PON2: variants seen among roughly 807,000 people sequenced by gnomAD.
The protein encoded by PON2 is serum paraoxonase/arylesterase 2.
PON2 carries 27 observed loss-of-function variants against 36.6 expected under a neutral mutation model. The ratio of observed to expected loss-of-function variants is 0.74; its 90% CI spans 0.54 to 1.02. The LOEUF (loss-of-function observed/expected upper bound fraction) is 1.02. PON2 is among the 50% of genes least tolerant of loss of function. PON2 has a pLI of 0.00. For synonymous variants in PON2, 149 were observed against 156.3 expected (o/e 0.95, Z 0.35); for missense variants, 363 against 421.1 (o/e 0.86, Z 1.21).
At chr7:95,422,448 C>T (rs1473193266) in intron 2 of PON2, among the ~76,000 whole-genome samples, 1 of 152,092 alleles carries the variant, frequency 6.6e-6, no homozygotes, top group African/African-American at 2.4e-5. Flanking sequence ...TTTGCACATA[C>T]ACTGTTTATA....
At position 95,405,085 on chromosome 7, in the gene PON2, T is replaced by C. The variant is rs78411550; in HGVS notation, c.*245A>G. On this transcript the variant is annotated 3_prime_UTR_variant, in exon 9 of 9. Coordinates refer to ENST00000222572, the MANE Select transcript of PON2 (RefSeq NM_000305.3). The stretch of plus-strand genomic sequence containing the variant: ...AAGGTGAGGCTTACTTTGTGCAAAA[T>C]GTATTCACTTTATTCGAAAGCAGCT... The C allele has an allele frequency of 7.0e-4, 315 of 450,078 alleles. 2 individuals carry two copies. In the East Asian group the frequency reaches 0.011, roughly 16 times the overall value. 27.9% of individuals were successfully genotyped at this position (450,078 alleles called of 1,614,324 possible). A position where few individuals can be genotyped will look rare whatever the true frequency, so the allele number is the denominator to read the frequency against.
rs1809694511 is a variant in PON2 at position 95,406,353 on chromosome 7, C to T, written c.778-106G>A. On this transcript the variant is annotated intron_variant, in intron 7 of 8. Transcript: ENST00000222572. ...TGCATGTGAGGAAATTACACATCGCCCTGCTTCCACCTTCTAACACCAATA... is the reference window on the plus strand; with the variant it reads ...TGCATGTGAGGAAATTACACATCGCTCTGCTTCCACCTTCTAACACCAATA... 7 of 1,218,468 alleles carry T rather than the reference C, an allele frequency of 5.7e-6. No homozygotes were observed. The South Asian group carries it at 8.7e-5, about 15-fold the overall frequency. The allele number at this position is 1,218,468 out of a possible 1,614,324, so 75.5% of individuals were successfully genotyped here. A position where few individuals can be genotyped will look rare whatever the true frequency, so the allele number is the denominator to read the frequency against.
At chr7:95,428,208 TTTTCC>T (rs889781613) in intron 1 of PON2, among the ~76,000 whole-genome samples, 16 of 152,174 alleles carry the variant, frequency 1.1e-4, no homozygotes, top group African/African-American at 3.1e-4. Context: ...GTTCCTTTTG[TTTTCC>T]TTTCTTTTCT....
rs17876096 is a variant in PON2 at position 95,423,275 on chromosome 7, T to C, written c.145+1240A>G. ...ATATCAGGGCTGCAGTGAGCCAAGA[T>C]TGCGCTACTGCATTCTGGCCTGGGT... is the stretch of plus-strand genomic sequence containing the variant. On this transcript the variant is annotated intron_variant, in intron 2 of 8. Coordinates refer to ENST00000222572, the MANE Select transcript of PON2 (RefSeq NM_000305.3). Among the ~76,000 whole-genome samples the C allele has an allele frequency of 4.1e-3, 617 of 148,872 alleles. 7 individuals are homozygous for C. Among genetic ancestry groups the C allele is most frequent in the African/African-American group, 0.014 (572 of 39,944 alleles).
chr7:95,407,764 A>G (rs1194561218), intron 6 of PON2, among the ~76,000 whole-genome samples: 1 of 152,074 alleles, frequency 6.6e-6, no homozygotes, highest in Non-Finnish European at 1.5e-5. Context: ...GTTTGTACAC[A>G]TTAAACACCT....
chr7:95,431,662 T>C (rs578189939), intron 1 of PON2, among the ~76,000 whole-genome samples: 32 of 152,034 alleles, frequency 2.1e-4, no homozygotes, highest in Non-Finnish European at 3.7e-4. Flanking sequence ...TCTAGTGATC[T>C]GCCCGCCTCA....
chr7:95,415,903 G>C lies in PON2; in HGVS notation c.201+339C>G, dbSNP rs1041616679. 4 of 295,536 alleles carry C rather than the reference G, an allele frequency of 1.4e-5. No homozygotes were observed. The East Asian group carries it at 3.2e-4, about 24-fold the overall frequency. The allele number at this position is 295,536 out of a possible 1,614,324, so 18.3% of individuals were successfully genotyped here. On this transcript the variant is annotated intron_variant, in intron 3 of 8. Coordinates refer to ENST00000222572, the MANE Select transcript of PON2 (RefSeq NM_000305.3). ...GGAGGCGGAGGTTGCAGTAAGCTGA[G>C]ATCATGCCACTGCACTCCAGCCGGG...
At chr7:95,433,496 C>G (rs1789489706) in intron 1 of PON2, among the ~76,000 whole-genome samples, 2 of 152,134 alleles carry the variant, frequency 1.3e-5, no homozygotes, top group Non-Finnish European at 2.9e-5. Flanking sequence ...CTCCAATCCC[C>G]CCTTCCAGGC....
At chr7:95,410,736 G>C (rs1235735923) in intron 5 of PON2, among the ~76,000 whole-genome samples, 1 of 152,146 alleles carries the variant, frequency 6.6e-6, no homozygotes, top group Non-Finnish European at 1.5e-5. Flanking sequence ...AGGTGAGGGT[G>C]TTATTAAATT....
intron 2 of PON2, among the ~76,000 whole-genome samples, chr7:95,422,261 C>T (rs372186690): frequency 2.0e-5 from 3 of 152,044 alleles, no homozygotes; most frequent in African/African-American, 4.8e-5. Flanking sequence ...AATATTTACA[C>T]TAAAATTCTA....
At position 95,412,466 on chromosome 7, in the gene PON2, G is replaced by A. The variant is rs749278245; in HGVS notation, c.213C>T (p.Phe71=). The A allele has an allele frequency of 6.2e-7, 1 of 1,613,946 alleles. No homozygotes were observed. The highest frequency in any genetic ancestry group is 1.1e-5 in the South Asian group (1 of 91,050). The stretch of plus-strand genomic sequence containing the variant: ...CTGGTGCAAAGCTGTGGAGTCCTGG[G>A]AATTTTAGACCCTTTCCAAAACGGT... The part of the protein sequence containing the change: ...GLAFFSVGLK[F]PGLHSFAPDK... The change falls in exon 4 of 9, where the codon TTC becomes TTT. Residue 71 remains phenylalanine (F), a synonymous_variant. Transcript: ENST00000222572.
At chr7:95,411,842 C>G in intron 4 of PON2, 63 bp from the exon 5 acceptor site, 1 of 1,566,456 alleles carries the variant, frequency 6.4e-7, no homozygotes, top group Admixed American at 1.7e-5. Context: ...TGGGCAGGCA[C>G]TGACATTTAA....
chr7:95,407,201 G>T, intron 6 of PON2, 133 bp from the exon 7 acceptor site: 1 of 565,278 alleles, frequency 1.8e-6, no homozygotes, highest in East Asian at 3.0e-5. Context: ...GCTTGATAAA[G>T]GTCAATTTTT....
intron 3 of PON2, chr7:95,415,272 T>C (rs1308386388): frequency 6.6e-6 from 1 of 152,216 alleles, no homozygotes; most frequent in Non-Finnish European, 1.5e-5. Context: ...TGTCCCCTTA[T>C]CTGGATTTCC....
chr7:95,411,453 A>G lies in PON2; in HGVS notation c.494+200T>C, dbSNP rs1405137499. On this transcript the variant is annotated intron_variant, in intron 5 of 8. Transcript: ENST00000222572. ...ACAGTGAATAGTATGAGTGACATCAACTTTCATATGCCATGCTTGCCCTGG... is the reference window on the plus strand; with the variant it reads ...ACAGTGAATAGTATGAGTGACATCAGCTTTCATATGCCATGCTTGCCCTGG... Among the ~76,000 whole-genome samples the G allele has an allele frequency of 3.3e-5, 5 of 152,214 alleles. 1 individual carries two copies. The highest frequency in any genetic ancestry group is 3.3e-4 in the Admixed American group (5 of 15,284).
chr7:95,431,359 T>C (rs1439166421), intron 1 of PON2, among the ~76,000 whole-genome samples: 1 of 152,072 alleles, frequency 6.6e-6, no homozygotes, highest in African/African-American at 2.4e-5. Context: ...AAATCAAACA[T>C]AAAGCCTCTG....
At chr7:95,425,750 C>G (rs1433773994) in intron 1 of PON2, among the ~76,000 whole-genome samples, 2 of 151,778 alleles carry the variant, frequency 1.3e-5, no homozygotes, top group Non-Finnish European at 2.9e-5. Context: ...CAATTCATAT[C>G]AGACATAAAG....
Position 95,424,590 on chromosome 7 carries a change from TACAA to T in PON2, c.75-9_75-6del, listed in dbSNP as rs753744337. On this transcript the variant is annotated splice_region_variant and splice_polypyrimidine_tract_variant and intron_variant, in intron 1 of 8. Coordinates refer to ENST00000222572, the MANE Select transcript of PON2 (RefSeq NM_000305.3). ...CTGGAGGCTTTAAGTCGATTTCTGT[TACAA>T]AGAAAAAAAAACAAAAAACAAAAAA... The T allele has an allele frequency of 6.2e-7, 1 of 1,610,626 alleles. No individual in the cohort carries two copies. The highest frequency in any genetic ancestry group is 1.1e-5 in the South Asian group (1 of 90,968).
chr7:95,409,975 G>A lies in PON2; in HGVS notation c.621C>T (p.Tyr207=), dbSNP rs1396809596. ...LNLHWANVVY[Y]SPNEVKVVAE... ...CTACCACTTTAACTTCATTTGGACT[G>A]TAGTAAACAACATTTGCCCAGTGTA... The change falls in exon 6 of 9, where the codon TAC becomes TAT. Residue 207 remains tyrosine, a synonymous_variant. Transcript: ENST00000222572. 1 of 1,613,706 alleles carries A rather than the reference G, an allele frequency of 6.2e-7. No individual in the cohort carries two copies. Among genetic ancestry groups the A allele is most frequent in the African/African-American group, 1.3e-5 (1 of 74,878 alleles).
Sources: allele counts gnomAD v4.1 joint callset (sites outside exome capture counted in the v4.1 genomes callset), GRCh38; gene constraint gnomAD v4.1.1; transcripts MANE v1.5; gene names NCBI Gene and HGNC (gene_info 2026-07-23, HGNC 2026-07-21).